Variants in ST7L observed in about 807,000 individuals in gnomAD.
The protein encoded by ST7L is suppression of tumorigenicity 7 like.
ST7L carries 57 observed loss-of-function variants against 72.5 expected under a neutral mutation model. The ratio of observed to expected loss-of-function variants is 0.79; its 90% CI spans 0.64 to 0.98. The LOEUF is 0.98. Among genes scored for constraint, ST7L ranks in the 50% least tolerant of loss-of-function variants. The pLI, the probability that ST7L is intolerant of heterozygous loss-of-function variation, is 0.00. For missense variants in ST7L, 576 were observed against 672.2 expected, an observed-to-expected ratio of 0.86 and a Z score of 1.58; for synonymous variants, 221 against 240.9, an observed-to-expected ratio of 0.92 and a Z score of 0.77.
At chr1:112,540,961 G>A (rs1655997574) in intron 14 of ST7L, 2 of 803,394 alleles carry the variant, frequency 2.5e-6, no homozygotes, top group Non-Finnish European at 3.6e-6. Context: ...ATTTTACTTT[G>A]AGCCAGTGAC....
chr1:112,552,000 A>C (rs559024830), intron 12 of ST7L, among the ~76,000 whole-genome samples: 2 of 152,260 alleles, frequency 1.3e-5, no homozygotes, highest in South Asian at 4.1e-4. Context: ...TTATTTACCC[A>C]ATTATTTTAG....
intron 2 of ST7L, among the ~76,000 whole-genome samples, chr1:112,613,941 G>A (rs1238181999): frequency 1.3e-5 from 2 of 152,004 alleles, no homozygotes; most frequent in African/African-American, 4.8e-5. Context: ...ATTTGTCCAG[G>A]CTGCTCTTGA....
intron 2 of ST7L, among the ~76,000 whole-genome samples, chr1:112,612,678 C>G (rs1439754254): frequency 1.3e-5 from 2 of 152,034 alleles, no homozygotes; most frequent in African/African-American, 4.8e-5. Flanking sequence ...TCTGCTCACT[C>G]TTAAGTTAGC....
At position 112,619,093 on chromosome 1, in the gene ST7L, C is replaced by CA; in HGVS notation, c.20dup (p.Glu9Ter). 1.2e-6 allele frequency: 2 copies of CA among 1,613,354 alleles called. No homozygotes were observed. The highest frequency in any genetic ancestry group is 1.7e-6 in the Non-Finnish European group (2 of 1,179,904). Reference sequence around the variant, plus strand: ...ACGCTCCAACAGCTGCGGCTTCACCCACGCCGCCACGGTCCGCCATCTTGC... The same window carrying CA: ...ACGCTCCAACAGCTGCGGCTTCACCCAACGCCGCCACGGTCCGCCATCTTGC... On this transcript the variant is annotated frameshift_variant, in exon 1 of 15. Coordinates refer to ENST00000358039, the MANE Select transcript of ST7L (RefSeq NM_017744.5). LOFTEE classifies it high-confidence loss of function.
chr1:112,569,701 G>A (rs1439369131), intron 11 of ST7L, among the ~76,000 whole-genome samples: 1 of 152,208 alleles, frequency 6.6e-6, no homozygotes, highest in African/African-American at 2.4e-5. Flanking sequence ...GCTTACGCCT[G>A]TAATCCCATG....
chr1:112,582,522 G>C, intron 7 of ST7L, 50 bp from the exon 8 acceptor site: 1 of 1,109,874 alleles, frequency 9.0e-7, no homozygotes, highest in Non-Finnish European at 1.3e-6. Flanking sequence ...TGTATTGTGG[G>C]CTGCTATTTC....
downstream of ST7L, among the ~76,000 whole-genome samples, chr1:112,519,067 G>A (rs1488951315): frequency 3.9e-5 from 6 of 152,078 alleles, no homozygotes; most frequent in African/African-American, 1.4e-4. Context: ...GTGTAGAAGG[G>A]GTTTTTGGTG....
At chr1:112,619,362 G>A, upstream of ST7L, 1 of 582,738 alleles carries the variant, frequency 1.7e-6, no homozygotes, top group South Asian at 2.2e-5. Flanking sequence ...ATGTGACCCC[G>A]AAGTGTTACC....
chr1:112,600,744 C>G (rs745767637), intron 4 of ST7L, 50 bp downstream of exon 4: 12 of 1,489,582 alleles, frequency 8.1e-6, no homozygotes, highest in Non-Finnish European at 1.1e-5. Context: ...TTGTAAATAC[C>G]TTTACTCTAA....
At chr1:112,603,780 T>G (rs959580410) in intron 3 of ST7L, among the ~76,000 whole-genome samples, 1 of 152,214 alleles carries the variant, frequency 6.6e-6, no homozygotes, top group Non-Finnish European at 1.5e-5. Flanking sequence ...CTGGTGAAAC[T>G]GAGTTCTTGT....
chr1:112,603,059 A>C (rs1212655821), intron 3 of ST7L, among the ~76,000 whole-genome samples: 2 of 152,140 alleles, frequency 1.3e-5, no homozygotes, highest in African/African-American at 4.8e-5. Context: ...TGTCAAGAAA[A>C]AGGAAGAAAA....
intron 6 of ST7L, among the ~76,000 whole-genome samples, chr1:112,590,931 T>C (rs1262503854): frequency 7.0e-6 from 1 of 143,712 alleles, no homozygotes; most frequent in African/African-American, 2.5e-5. Flanking sequence ...TTAGTACCCT[T>C]TTTTTTTTTT....
In ST7L at chr1:112,533,875, T is replaced by C. The variant is rs1654777207; in HGVS notation, c.1630-7764A>G. 2.0e-5 allele frequency among the ~76,000 whole-genome samples: 3 copies of C among 151,904 alleles called. No homozygotes were observed. In the South Asian group the frequency reaches 6.2e-4, roughly 32 times the overall value. On this transcript the variant is annotated intron_variant, in intron 14 of 14. Coordinates refer to ENST00000358039, the MANE Select transcript of ST7L (RefSeq NM_017744.5). Reference sequence around the variant, plus strand: ...TATGAGCTCTTACTACTATAATTACTACTGTAATTGCCCAGGCTGGTCTCG... The same window carrying C: ...TATGAGCTCTTACTACTATAATTACCACTGTAATTGCCCAGGCTGGTCTCG...
chr1:112,598,044 G>A lies in ST7L; in HGVS notation c.549C>T (p.Asp183=), dbSNP rs572097486. 1.9e-6 allele frequency: 3 copies of A among 1,613,590 alleles called. No homozygotes were observed. The highest frequency in any genetic ancestry group is 2.2e-5 in the South Asian group (2 of 90,966). The change falls in exon 5 of 15, where the codon GAC becomes GAT. Residue 183 remains aspartate, a synonymous_variant. Transcript: ENST00000358039. ...VTGKEPLTYY[D]MNLSAQDHQT... is the part of the protein sequence containing the mutation. ...GATGGTCCTGAGCTGACAGGTTCAT[G>A]TCATAGTATGTAAGTGGCTCTTTAC...
intron 3 of ST7L, chr1:112,610,367 T>C (rs1668887911): frequency 6.5e-6 from 1 of 152,804 alleles, no homozygotes; most frequent in Non-Finnish European, 1.5e-5. Flanking sequence ...TTTTCCATAC[T>C]AGCCATGGAC....
At chr1:112,554,328 G>A (rs1394029197) in intron 12 of ST7L, among the ~76,000 whole-genome samples, 2 of 151,972 alleles carry the variant, frequency 1.3e-5, no homozygotes, top group Non-Finnish European at 2.9e-5. Context: ...CTCCAAAGAA[G>A]ATATATAAAT....
chr1:112,532,949 T>C (rs887491205), intron 14 of ST7L, among the ~76,000 whole-genome samples: 7 of 152,220 alleles, frequency 4.6e-5, no homozygotes, highest in Non-Finnish European at 8.8e-5. Flanking sequence ...AAAAAAGTTA[T>C]AGGTTATGAT....
At chr1:112,539,669 A>AG (rs898318209) in intron 14 of ST7L, 2 of 958,246 alleles carry the variant, frequency 2.1e-6, no homozygotes, top group African/African-American at 1.8e-5. Flanking sequence ...AAAAAAAAAA[A>AG]AAAAGAAAAA....
At chr1:112,545,033 T>C (rs1656819258) in intron 13 of ST7L, among the ~76,000 whole-genome samples, 2 of 152,184 alleles carry the variant, frequency 1.3e-5, no homozygotes, top group Non-Finnish European at 1.5e-5. Flanking sequence ...TCTGAACTTA[T>C]GAGGTCCATA....
Sources: gnomAD v4.1 joint callset for allele counts (sites outside exome capture counted in the v4.1 genomes callset) on GRCh38, gnomAD v4.1.1 for gene constraint, MANE v1.5 for transcripts, NCBI Gene and HGNC (gene_info 2026-07-23, HGNC 2026-07-21) for gene names.